Variants in CFAP54 observed in about 807,000 individuals in gnomAD.
CFAP54 encodes cilia and flagella associated protein 54.
A neutral mutation model predicts 370.4 loss-of-function variants in CFAP54; 290 were observed. That is an observed-to-expected ratio of 0.78 (90% CI 0.71 to 0.86). CFAP54 has a LOEUF of 0.86. Ranked by LOEUF, CFAP54 falls within the 40% of genes least tolerant of loss-of-function variation. The pLI is 0.00. For missense variants in CFAP54, 3,399 were observed against 3,528.7 expected (o/e 0.96, Z 0.93); for synonymous variants, 1,206 against 1,236.5 (o/e 0.98, Z 0.52).
chr12:96,508,126 C>CTTTTTTTTT (rs398020728), intron 4 of CFAP54, among the ~76,000 whole-genome samples: 1 of 112,232 alleles, frequency 8.9e-6, no homozygotes, highest in Non-Finnish European at 1.7e-5. Context: ...CAAACATAGT[C>CTTTTTTTTT]TTTTTTTTTT....
intron 66 of CFAP54, among the ~76,000 whole-genome samples, chr12:96,836,794 C>T (rs1056571277): frequency 3.3e-5 from 5 of 151,988 alleles, no homozygotes; most frequent in East Asian, 1.9e-4. Context: ...GAATTTAGTA[C>T]GTTTATAGTT....
intron 67 of CFAP54, among the ~76,000 whole-genome samples, chr12:96,870,038 C>T (rs575063843): frequency 3.3e-5 from 5 of 149,808 alleles, no homozygotes; most frequent in African/African-American, 7.4e-5. Flanking sequence ...CCGAGGTGGG[C>T]GGATCACAAG....
rs541825721 is a variant in CFAP54 at position 96,867,866 on chromosome 12, C to T, written c.*14+6914C>T. Among the ~76,000 whole-genome samples, 11 of 152,122 alleles carry T rather than the reference C, an allele frequency of 7.2e-5. No individual in the cohort carries two copies. The South Asian group carries it at 8.3e-4, about 11-fold the overall frequency. On this transcript the variant is annotated intron_variant, in intron 67 of 67. Coordinates refer to ENST00000524981, the MANE Select transcript of CFAP54 (RefSeq NM_001306084.2). ...CTATGGTTGGTAACAATGTGTTGTA[C>T]GCTCAAAAATTGCTGAGAGAAGATC... is the stretch of plus-strand genomic sequence containing the variant.
chr12:96,855,995 G>A (rs889082223), intron 66 of CFAP54, among the ~76,000 whole-genome samples: 1 of 152,204 alleles, frequency 6.6e-6, no homozygotes, highest in Non-Finnish European at 1.5e-5. Context: ...CTAGGTGGAG[G>A]TTCCCAAACC....
At chr12:96,691,373 C>A (rs2136564780) in intron 44 of CFAP54, 63 bp downstream of exon 44, 2 of 1,238,960 alleles carry the variant, frequency 1.6e-6, no homozygotes, top group East Asian at 5.2e-5. Context: ...TTACCTCATA[C>A]TTTTAAAATT....
chr12:96,571,275 G>C (rs2136416993), intron 19 of CFAP54, among the ~76,000 whole-genome samples: 1 of 152,284 alleles, frequency 6.6e-6, no homozygotes, highest in South Asian at 2.1e-4. Flanking sequence ...ACTATACGCA[G>C]AGAAATTTAC....
chr12:96,779,680 AT>A (rs1958562609), intron 60 of CFAP54, among the ~76,000 whole-genome samples: 1 of 147,706 alleles, frequency 6.8e-6, no homozygotes, highest in African/African-American at 2.5e-5. Context: ...ATATATATTA[AT>A]TATATATTTC....
chr12:96,841,071 G>A (rs912141187), intron 66 of CFAP54, among the ~76,000 whole-genome samples: 5 of 152,172 alleles, frequency 3.3e-5, no homozygotes, highest in African/African-American at 4.8e-5. Context: ...TGTGTTATCC[G>A]TGCTCAAAGT....
At chr12:96,527,172 T>C (rs1955391837) in intron 8 of CFAP54, 74 bp from the exon 9 acceptor site, 5 of 1,301,110 alleles carry the variant, frequency 3.8e-6, no homozygotes, top group Non-Finnish European at 5.1e-6. Flanking sequence ...GTTGGGATTA[T>C]AGGCATGAGC....
At chr12:96,669,332 C>T (rs1186265779) in intron 39 of CFAP54, among the ~76,000 whole-genome samples, 1 of 152,206 alleles carries the variant, frequency 6.6e-6, no homozygotes, top group Non-Finnish European at 1.5e-5. Context: ...GCATTCTTTT[C>T]ACTTGATCTT....
intron 22 of CFAP54, among the ~76,000 whole-genome samples, chr12:96,584,819 C>T (rs1592863988): frequency 6.6e-6 from 1 of 152,260 alleles, no homozygotes; most frequent in South Asian, 2.1e-4. Context: ...TTCTGGTTCA[C>T]CCTGTGCGTC....
chr12:96,852,404 A>G (rs1959573541), intron 66 of CFAP54, among the ~76,000 whole-genome samples: 1 of 152,100 alleles, frequency 6.6e-6, no homozygotes, highest in Non-Finnish European at 1.5e-5. Flanking sequence ...TACATATACA[A>G]TCCCATGATT....
chr12:96,708,206 G>A (rs1957565769), intron 47 of CFAP54, among the ~76,000 whole-genome samples: 1 of 152,154 alleles, frequency 6.6e-6, no homozygotes, highest in Non-Finnish European at 1.5e-5. Context: ...TAGGGAGATT[G>A]CTTGTCTGCC....
chr12:96,779,638 T>C (rs1379409611), intron 60 of CFAP54, among the ~76,000 whole-genome samples: 1 of 148,664 alleles, frequency 6.7e-6, no homozygotes, highest in East Asian at 1.9e-4. Flanking sequence ...ATTATATGTT[T>C]ATTATTTATA....
chr12:96,850,989 A>G (rs554214219), intron 66 of CFAP54, among the ~76,000 whole-genome samples: 3 of 152,350 alleles, frequency 2.0e-5, no homozygotes, highest in South Asian at 2.1e-4. Flanking sequence ...GAGCCAAACC[A>G]TATCAGTGTA....
chr12:96,663,664 T>C (rs1351127965), intron 38 of CFAP54, among the ~76,000 whole-genome samples, 166 bp from the exon 39 acceptor site: 1 of 152,212 alleles, frequency 6.6e-6, no homozygotes, highest in Non-Finnish European at 1.5e-5. Flanking sequence ...GCTGCTTTTT[T>C]TCATGAAAGT....
intron 60 of CFAP54, among the ~76,000 whole-genome samples, chr12:96,783,349 A>G (rs1007654616): frequency 1.3e-5 from 2 of 152,214 alleles, no homozygotes; most frequent in Non-Finnish European, 2.9e-5. Context: ...CATCTTATTC[A>G]AGAAAACATG....
intron 25 of CFAP54, among the ~76,000 whole-genome samples, chr12:96,598,249 A>G (rs1256633601): frequency 1.3e-5 from 2 of 152,032 alleles, no homozygotes; most frequent in Non-Finnish European, 2.9e-5. Flanking sequence ...AAGTACCTGG[A>G]ATCACTATGT....
intron 55 of CFAP54, among the ~76,000 whole-genome samples, chr12:96,750,788 A>G (rs1958173390): frequency 6.6e-6 from 1 of 152,364 alleles, no homozygotes; most frequent in Admixed American, 6.5e-5. Context: ...CTTAAGGCTG[A>G]ACAGCTTGCT....
Sources: allele counts gnomAD v4.1 joint callset (sites outside exome capture counted in the v4.1 genomes callset), GRCh38; gene constraint gnomAD v4.1.1; transcripts MANE v1.5; gene names NCBI Gene and HGNC (gene_info 2026-07-23, HGNC 2026-07-21).